Variants in NAV1 observed in about 807,000 individuals in gnomAD.
NAV1 encodes pore membrane and/or filament interacting like protein 3.
A neutral mutation model predicts 175.2 loss-of-function variants in NAV1; 18 were observed. The ratio of observed to expected loss-of-function variants is 0.10; its 90% CI spans 0.07 to 0.15. The LOEUF (loss-of-function observed/expected upper bound fraction) is 0.15. Among genes scored for constraint, NAV1 ranks in the 10% least tolerant of loss-of-function variants. The probability of loss-of-function intolerance (pLI) is 1.00; values close to 1 mark genes in which losing one functional copy is unlikely to be tolerated. For missense variants in NAV1, 1,731 were observed against 2,436.6 expected, an observed-to-expected ratio of 0.71 and a Z score of 6.10; for synonymous variants, 897 against 978.7, an observed-to-expected ratio of 0.92 and a Z score of 1.56.
chr1:201,743,495 G>C (rs1673563550), intron 3 of NAV1, among the ~76,000 whole-genome samples: 1 of 152,156 alleles, frequency 6.6e-6, no homozygotes. Flanking sequence ...CTATAAAATG[G>C]GTATAGCTCC....
chr1:201,825,308 T>G (rs1679610218), exon 30 of NAV1: 1 of 150,024 alleles, frequency 6.7e-6, no homozygotes, highest in Admixed American at 6.7e-5. Context: ...GAGCTGATTA[T>G]GTAATAGGAT....
intron 22 of NAV1, 94 bp from the exon 27 acceptor site, chr1:201,809,852 T>C (rs2102812696): frequency 1.6e-6 from 2 of 1,227,290 alleles, no homozygotes; most frequent in South Asian, 1.4e-5. Context: ...ACTTTCTCCA[T>C]CTATTTCTGT....
intron 20 of NAV1, 62 bp from the exon 25 acceptor site, chr1:201,809,102 G>A (rs1056894215): frequency 2.9e-5 from 44 of 1,511,942 alleles, no homozygotes; most frequent in Non-Finnish European, 3.9e-5. Flanking sequence ...GATAATGATG[G>A]GAAAGTTTAG....
At chr1:201,638,814 C>T (rs1195882462) in intron 2 of NAV1, among the ~76,000 whole-genome samples, 1 of 152,162 alleles carries the variant, frequency 6.6e-6, no homozygotes, top group Non-Finnish European at 1.5e-5. Context: ...CTAAGAGGGT[C>T]CCTGGCAATA....
At chr1:201,756,433 T>C (rs1304088631) in intron 3 of NAV1, among the ~76,000 whole-genome samples, 1 of 152,176 alleles carries the variant, frequency 6.6e-6, no homozygotes, top group African/African-American at 2.4e-5. Context: ...TTCATATTGT[T>C]TTATGTCTCC....
chr1:201,626,940 C>A (rs190190696), intron 1 of NAV1, among the ~76,000 whole-genome samples: 14 of 152,336 alleles, frequency 9.2e-5, no homozygotes, highest in Non-Finnish European at 1.8e-4. Flanking sequence ...GATAAAAATA[C>A]AGAGCTGACT....
At chr1:201,680,247 C>A (rs556433033) in intron 1 of NAV1, among the ~76,000 whole-genome samples, 4 of 152,138 alleles carry the variant, frequency 2.6e-5, no homozygotes, top group Non-Finnish European at 4.4e-5. Flanking sequence ...CGGTGGCTCA[C>A]GCCTGTAATC....
At chr1:201,649,670 C>G (rs915540170) in intron 1 of NAV1, among the ~76,000 whole-genome samples, 2 of 152,128 alleles carry the variant, frequency 1.3e-5, no homozygotes, top group African/African-American at 4.8e-5. Context: ...CTGGCCTGCC[C>G]GAGGTGAGGC....
At chr1:201,612,013 A>G (rs1396246047) in intron 2 of NAV1, among the ~76,000 whole-genome samples, 2 of 151,986 alleles carry the variant, frequency 1.3e-5, no homozygotes, top group Non-Finnish European at 2.9e-5. Flanking sequence ...GTGAATGTGT[A>G]TATCTGTGTG....
intron 17 of NAV1, among the ~76,000 whole-genome samples, chr1:201,804,729 A>G (rs1025556352): frequency 2.6e-5 from 4 of 152,170 alleles, no homozygotes; most frequent in African/African-American, 4.8e-5. Flanking sequence ...CCAAATGGGA[A>G]AGTCAAACAA....
intron 1 of NAV1, among the ~76,000 whole-genome samples, chr1:201,562,800 G>T (rs889673017): frequency 1.7e-4 from 26 of 152,260 alleles, no homozygotes; most frequent in Admixed American, 1.5e-3. Context: ...GAGCAGGCAG[G>T]GAGGGGTGGG....
exon 1 of NAV1, chr1:201,648,276 G>A: frequency 9.4e-7 from 1 of 1,063,912 alleles, no homozygotes; most frequent in Non-Finnish European, 1.1e-6. Flanking sequence ...GGCAGGCCGC[G>A]GGCTGGGATC....
At chr1:201,769,492 C>T (rs1033448418) in intron 3 of NAV1, among the ~76,000 whole-genome samples, 2 of 152,198 alleles carry the variant, frequency 1.3e-5, no homozygotes, top group African/African-American at 4.8e-5. Flanking sequence ...GAATACAGTG[C>T]ATACCTAGTT....
chr1:201,649,511 C>T, intron 1 of NAV1, 86 bp downstream of exon 5: 1 of 1,434,272 alleles, frequency 7.0e-7, no homozygotes, highest in Non-Finnish European at 9.1e-7. Context: ...GAAGCCCCCT[C>T]CCCTTGCGCC....
intron 1 of NAV1, among the ~76,000 whole-genome samples, chr1:201,689,299 T>G (rs1223905587): frequency 6.6e-6 from 1 of 152,254 alleles, no homozygotes; most frequent in Admixed American, 6.5e-5. Flanking sequence ...TTTCACTGAT[T>G]GCATCTAGGC....
intron 3 of NAV1, among the ~76,000 whole-genome samples, chr1:201,768,638 A>G (rs1285957072): frequency 3.8e-5 from 5 of 130,842 alleles, no homozygotes; most frequent in Non-Finnish European, 8.3e-5. Context: ...ATCTTGTCTC[A>G]ATTAAAAAAA....
intron 3 of NAV1, among the ~76,000 whole-genome samples, chr1:201,762,289 G>C (rs1674910053): frequency 1.3e-5 from 2 of 152,230 alleles, no homozygotes; most frequent in Non-Finnish European, 2.9e-5. Flanking sequence ...TCTTAGCCCA[G>C]AGTTGCTTTT....
chr1:201,772,893 C>CGGGTGCTTGTA (rs1675681717), intron 3 of NAV1, among the ~76,000 whole-genome samples: 1 of 151,966 alleles, frequency 6.6e-6, no homozygotes, highest in East Asian at 1.9e-4. Context: ...ATTGGCCGGG[C>CGGGTGCTTGTA]GTGGTGGCGG....
intron 1 of NAV1, among the ~76,000 whole-genome samples, chr1:201,663,947 G>A (rs904585486): frequency 1.3e-5 from 2 of 152,218 alleles, no homozygotes; most frequent in African/African-American, 2.4e-5. Flanking sequence ...TGGATTTCCT[G>A]TTGAAATTGT....
Sources: allele counts gnomAD v4.1 joint callset (sites outside exome capture counted in the v4.1 genomes callset), GRCh38; gene constraint gnomAD v4.1.1; transcripts MANE v1.5; gene names NCBI Gene and HGNC (gene_info 2026-07-23, HGNC 2026-07-21).